LTBR: variants seen among roughly 807,000 people sequenced by gnomAD.
The protein encoded by LTBR is lymphotoxin beta receptor.
LTBR carries 15 observed loss-of-function variants against 45.4 expected under a neutral mutation model. The ratio of observed to expected loss-of-function variants is 0.33; its 90% confidence interval spans 0.22 to 0.51. The LOEUF (loss-of-function observed/expected upper bound fraction) is 0.51. Ranked by LOEUF, LTBR falls within the 20% of genes least tolerant of loss-of-function variation. The probability of loss-of-function intolerance (pLI) is 0.97; values close to 1 mark genes in which losing one functional copy is unlikely to be tolerated. For synonymous variants in LTBR, 228 were observed against 231.0 expected (o/e 0.99, Z 0.12); for missense variants, 450 against 565.5 (o/e 0.80, Z 2.07).
rs2136934177 is a variant in LTBR at position 6,388,882 on chromosome 12, G to T, written c.801+57G>T. On this transcript the variant is annotated intron_variant, in intron 8 of 9. Transcript: ENST00000228918. The surrounding 1 kb of genome is among the most constrained non-coding windows in gnomAD (Gnocchi z 4.3). ...GGGGAAGAGGTGATGAGGGTACAAG[G>T]TGGAGCAGACAGGAAGAGAGTATGC... 3 of 1,604,714 alleles carry T rather than the reference G, an allele frequency of 1.9e-6. No homozygotes were observed. The highest frequency in any genetic ancestry group is 2.6e-6 in the Non-Finnish European group (3 of 1,172,072).
upstream of LTBR, chr12:6,383,998 G>A: frequency 8.8e-7 from 1 of 1,137,316 alleles, no homozygotes; most frequent in Non-Finnish European, 1.1e-6. Context: ...TCCGAAGAAG[G>A]GAGGAGGCCG....
At chr12:6,375,938 A>G in intron 1 of LTBR, 1 of 1,024,688 alleles carries the variant, frequency 9.8e-7, no homozygotes, top group Non-Finnish European at 1.2e-6. Flanking sequence ...ATAGGGATGG[A>G]GGAGGGGCAC....
rs1037616239 is a variant in LTBR, at chr12:6,388,563, T to G, written c.775+58T>G. The G allele has an allele frequency of 1.4e-6, 2 of 1,468,010 alleles. No homozygotes were observed. The highest frequency in any genetic ancestry group is 1.9e-6 in the Non-Finnish European group (2 of 1,049,030). The allele number at this position is 1,468,010 out of a possible 1,614,324, so 90.9% of individuals were successfully genotyped here. A position where few individuals can be genotyped will look rare whatever the true frequency, so the allele number is the denominator to read the frequency against. The stretch of plus-strand genomic sequence containing the variant: ...CAATGGGAGCCGGAGGGAGGAATAT[T>G]CAACTTCCCCGGTGCAACCCTCCAC... On this transcript the variant is annotated intron_variant, in intron 7 of 9. Transcript: ENST00000228918. The surrounding 1 kb of genome is among the most constrained non-coding windows in gnomAD (Gnocchi z 4.3).
upstream of LTBR, chr12:6,375,297 C>T (rs998349043): frequency 4.2e-6 from 6 of 1,438,574 alleles, no homozygotes; most frequent in Non-Finnish European, 3.6e-6. Flanking sequence ...TTCCTCTCCC[C>T]CCCTTGCCTT....
At chr12:6,389,136 G>GT in intron 8 of LTBR, 2 of 316,456 alleles carry the variant, frequency 6.3e-6, no homozygotes, top group Non-Finnish European at 1.2e-5. Flanking sequence ...AAGGATGGGG[G>GT]TATTTTAGAC....
chr12:6,387,945 C>T (rs541025413), intron 6 of LTBR: 2 of 426,192 alleles, frequency 4.7e-6, no homozygotes, highest in African/African-American at 4.1e-5. Context: ...AGCTCCTCTA[C>T]AGCAGCCCCT....
upstream of LTBR, among the ~76,000 whole-genome samples, chr12:6,382,184 AG>A (rs1293365759): frequency 6.6e-6 from 1 of 152,182 alleles, no homozygotes; most frequent in Non-Finnish European, 1.5e-5. Context: ...GAATAGAGAA[AG>A]AGTCCCTGTC....
In LTBR at chr12:6,386,245, A is replaced by C; in HGVS notation, c.569+83A>C. ...ACCCCCAGCGCCTATCCTTGACACC[A>C]CGGACTCGACTCACCACTTTCAGCC... On this transcript the variant is annotated intron_variant, in intron 5 of 9. Transcript: ENST00000228918. This position sits in a 1 kb window ranked among gnomAD's most constrained non-coding sequence, Gnocchi z 4.1. 6.8e-7 allele frequency: 1 copy of C among 1,468,606 alleles called. No homozygotes were observed. The highest frequency in any genetic ancestry group is 9.5e-7 in the Non-Finnish European group (1 of 1,051,674). The allele number at this position is 1,468,606 out of a possible 1,614,324, so 91.0% of individuals were successfully genotyped here. A position where few individuals can be genotyped will look rare whatever the true frequency, so the allele number is the denominator to read the frequency against.
chr12:6,389,930 C>T (rs1949091419), intron 8 of LTBR, 182 bp from the exon 9 acceptor site: 1 of 599,748 alleles, frequency 1.7e-6, no homozygotes, highest in Non-Finnish European at 3.0e-6. Context: ...GCACTGTAGC[C>T]TGGGTGACAG....
In LTBR at chr12:6,386,247, G is replaced by A. The variant is rs922448721; in HGVS notation, c.569+85G>A. On this transcript the variant is annotated intron_variant, in intron 5 of 9. Coordinates refer to ENST00000228918, the MANE Select transcript of LTBR (RefSeq NM_002342.3). The surrounding 1 kb of genome is among the most constrained non-coding windows in gnomAD (Gnocchi z 4.1). ...CCCCAGCGCCTATCCTTGACACCAC[G>A]GACTCGACTCACCACTTTCAGCCTC... The A allele has an allele frequency of 5.9e-5, 88 of 1,479,518 alleles. No homozygotes were observed. Among genetic ancestry groups the A allele is most frequent in the Admixed American group, 1.7e-4 (10 of 58,518 alleles). The allele number at this position is 1,479,518 out of a possible 1,614,324, so 91.6% of individuals were successfully genotyped here.
Position 6,391,238 on chromosome 12 carries a change from G to A in LTBR, c.*301G>A, listed in dbSNP as rs773219106. 30 of 287,934 alleles carry A rather than the reference G, an allele frequency of 1.0e-4. No individual in the cohort carries two copies. The highest frequency in any genetic ancestry group is 1.8e-4 in the Non-Finnish European group (28 of 155,430). The allele number at this position is 287,934 out of a possible 1,614,324, so 17.8% of individuals were successfully genotyped here. On this transcript the variant is annotated 3_prime_UTR_variant, in exon 10 of 10. Coordinates refer to ENST00000228918, the MANE Select transcript of LTBR (RefSeq NM_002342.3). ...TACCAACTGCTGCCCACTACGGCAC[G>A]CCGCACCGGAGCACGGCACCGAGGG...
Position 6,388,877 on chromosome 12 carries a change from A to G in LTBR, c.801+52A>G, listed in dbSNP as rs1949079218. 1 of 1,608,422 alleles carries G rather than the reference A, an allele frequency of 6.2e-7. No individual in the cohort carries two copies. ...AAGAAGGGGAAGAGGTGATGAGGGT[A>G]CAAGGTGGAGCAGACAGGAAGAGAG... is the stretch of plus-strand genomic sequence containing the variant. On this transcript the variant is annotated intron_variant, in intron 8 of 9. Coordinates refer to ENST00000228918, the MANE Select transcript of LTBR (RefSeq NM_002342.3). The surrounding 1 kb of genome is among the most constrained non-coding windows in gnomAD (Gnocchi z 4.3).
At position 6,388,838 on chromosome 12, in the gene LTBR, G is replaced by C; in HGVS notation, c.801+13G>C. ...GAGGCGTCCGCAGGTAATGGCGGGG[G>C]CTGAGAAGGCAGCAAGAAGGGGAAG... On this transcript the variant is annotated intron_variant, in intron 8 of 9. Coordinates refer to ENST00000228918, the MANE Select transcript of LTBR (RefSeq NM_002342.3). This position sits in a 1 kb window ranked among gnomAD's most constrained non-coding sequence, Gnocchi z 4.3. 1 of 1,614,060 alleles carries C rather than the reference G, an allele frequency of 6.2e-7. No individual in the cohort carries two copies. The highest frequency in any genetic ancestry group is 8.5e-7 in the Non-Finnish European group (1 of 1,179,998).
chr12:6,380,626 G>T (rs1948973858), upstream of LTBR, among the ~76,000 whole-genome samples: 1 of 151,610 alleles, frequency 6.6e-6, no homozygotes, highest in Non-Finnish European at 1.5e-5. Flanking sequence ...GGAGGCGGAG[G>T]TTGCAGTGAG....
At chr12:6,390,622 G>A (rs749044686) in intron 9 of LTBR, 38 bp from the exon 10 acceptor site, 4 of 1,496,448 alleles carry the variant, frequency 2.7e-6, no homozygotes, top group Non-Finnish European at 3.6e-6. Context: ...CTGAACTGGG[G>A]GCCTTCCTTC....
At chr12:6,375,749 G>T in intron 1 of LTBR, 1 of 1,412,112 alleles carries the variant, frequency 7.1e-7, no homozygotes, top group Non-Finnish European at 9.2e-7. Context: ...GGAGGCTGGG[G>T]GACAGGATGG....
rs1592101698 is a variant in LTBR at position 6,388,998 on chromosome 12, A to G, written c.801+173A>G. On this transcript the variant is annotated intron_variant, in intron 8 of 9. Coordinates refer to ENST00000228918, the MANE Select transcript of LTBR (RefSeq NM_002342.3). This position sits in a 1 kb window ranked among gnomAD's most constrained non-coding sequence, Gnocchi z 4.3. ...CTGTCCTAGGCACTGGGCGTACAGC[A>G]GTGAGCAAAACACAGTACCTCATTT... is the stretch of plus-strand genomic sequence containing the variant. The G allele has an allele frequency of 5.7e-6, 4 of 698,124 alleles. No homozygotes were observed. The highest frequency in any genetic ancestry group is 9.8e-6 in the Non-Finnish European group (4 of 408,110). The allele number at this position is 698,124 out of a possible 1,614,324, so 43.2% of individuals were successfully genotyped here. A position where few individuals can be genotyped will look rare whatever the true frequency, so the allele number is the denominator to read the frequency against.
At chr12:6,384,496 A>C in intron 1 of LTBR, 42 bp downstream of exon 1, 1 of 1,589,704 alleles carries the variant, frequency 6.3e-7, no homozygotes, top group East Asian at 2.3e-5. Context: ...GGTGGGCAAG[A>C]GGGATCTGGG....
upstream of LTBR, chr12:6,375,265 CCT>C: frequency 2.1e-6 from 3 of 1,438,556 alleles, no homozygotes; most frequent in Non-Finnish European, 2.7e-6. Context: ...TGGCCTGCCT[CCT>C]CTCTCTAATC....
Sources: allele counts gnomAD v4.1 joint callset (sites outside exome capture counted in the v4.1 genomes callset), GRCh38; gene constraint gnomAD v4.1.1; non-coding constraint Gnocchi (gnomAD v3.1); transcripts MANE v1.5; gene names NCBI Gene and HGNC (gene_info 2026-07-23, HGNC 2026-07-21).